ZDHHC14: variants seen among roughly 807,000 people sequenced by gnomAD.
ZDHHC14 encodes palmitoyltransferase ZDHHC14.
In ZDHHC14, 16 loss-of-function variants were observed where a neutral mutation model predicts 47.7. The observed-to-expected ratio is 0.34, with a 90% CI of 0.23 to 0.51. The LOEUF (loss-of-function observed/expected upper bound fraction) is 0.51. Among genes scored for constraint, ZDHHC14 ranks in the 20% least tolerant of loss-of-function variants. The pLI, the probability that ZDHHC14 is intolerant of heterozygous loss-of-function variation, is 0.97. For missense variants in ZDHHC14, 515 were observed against 662.5 expected (o/e 0.78, Z 2.44); for synonymous variants, 293 against 278.9 (o/e 1.05, Z -0.50).
At chr6:157,392,852 CT>C (rs201604926) in intron 1 of ZDHHC14, among the ~76,000 whole-genome samples, 1,769 of 152,152 alleles carry the variant, frequency 0.012, 15 homozygotes, top group Non-Finnish European at 0.016. Context: ...TGCAATGGCA[CT>C]TTTTTTATTT....
chr6:157,491,606 T>C (rs547674523), intron 1 of ZDHHC14, among the ~76,000 whole-genome samples: 1 of 152,376 alleles, frequency 6.6e-6, no homozygotes, highest in African/African-American at 2.4e-5. Flanking sequence ...GAGCTGAATG[T>C]GAATTTCTAC....
At chr6:157,667,624 A>AT (rs1156728763) in intron 8 of ZDHHC14, among the ~76,000 whole-genome samples, 1 of 151,896 alleles carries the variant, frequency 6.6e-6, no homozygotes, top group African/African-American at 2.4e-5. Flanking sequence ...GTTTAAAAAA[A>AT]AAAAAAGGGA....
At chr6:157,558,009 A>G (rs533915048) in intron 2 of ZDHHC14, among the ~76,000 whole-genome samples, 2 of 152,266 alleles carry the variant, frequency 1.3e-5, no homozygotes, top group Non-Finnish European at 2.9e-5. Flanking sequence ...ACTGTATAAT[A>G]GTAAAAAGAA....
rs568400751 is a variant in ZDHHC14 at position 157,503,948 on chromosome 6, T to G, written c.246-38637T>G. On this transcript the variant is annotated intron_variant, in intron 1 of 8. Coordinates refer to ENST00000359775, the MANE Select transcript of ZDHHC14 (RefSeq NM_024630.3). ...TATAAAGCAGAATGCACATCTACCC[T>G]CTGACTCAACAATTCCATTTGTAAG... 6.6e-5 allele frequency among the ~76,000 whole-genome samples: 10 copies of G among 152,322 alleles called. No individual in the cohort carries two copies. The South Asian group carries it at 2.1e-3, about 32-fold the overall frequency.
In ZDHHC14 at chr6:157,574,146, G is replaced by C. The variant is rs540887659; in HGVS notation, c.407-18842G>C. Among the ~76,000 whole-genome samples, 31 of 151,602 alleles carry C rather than the reference G, an allele frequency of 2.0e-4. 1 individual carries two copies. The South Asian group carries it at 6.5e-3, about 32-fold the overall frequency. On this transcript the variant is annotated intron_variant, in intron 2 of 8. Coordinates refer to ENST00000359775, the MANE Select transcript of ZDHHC14 (RefSeq NM_024630.3). ...TTGCCTTTAAACATACGAGATGCCAGGTGTGGTGGCTCATGTCTGTAATCC... is the reference window on the plus strand; with the variant it reads ...TTGCCTTTAAACATACGAGATGCCACGTGTGGTGGCTCATGTCTGTAATCC...
chr6:157,591,820 G>A (rs1301831489), intron 2 of ZDHHC14, among the ~76,000 whole-genome samples: 3 of 152,172 alleles, frequency 2.0e-5, no homozygotes, highest in Admixed American at 6.5e-5. Context: ...GATAGTATGT[G>A]CTTTAAGAGG....
chr6:157,435,746 G>A (rs2114786129), intron 1 of ZDHHC14, among the ~76,000 whole-genome samples: 1 of 152,192 alleles, frequency 6.6e-6, no homozygotes, highest in East Asian at 1.9e-4. Context: ...TGCCATGTTG[G>A]CCAGGCTGGT....
At chr6:157,525,207 C>G (rs1438382244) in intron 1 of ZDHHC14, among the ~76,000 whole-genome samples, 4 of 152,170 alleles carry the variant, frequency 2.6e-5, no homozygotes, top group Non-Finnish European at 5.9e-5. Context: ...GTCACCCAGA[C>G]TAGAGTGCAG....
chr6:157,582,510 G>T lies in ZDHHC14; in HGVS notation c.407-10478G>T, dbSNP rs780030787. ...TATGAAGCTTAGTTTGGCCGGATAT[G>T]AAATTCTTGGTTGGAAATTCTTTTC... On this transcript the variant is annotated intron_variant, in intron 2 of 8. Transcript: ENST00000359775. This position sits in a 1 kb window ranked among gnomAD's most constrained non-coding sequence, Gnocchi z 4.3. 3.3e-5 allele frequency among the ~76,000 whole-genome samples: 5 copies of T among 152,078 alleles called. No individual in the cohort carries two copies. Among genetic ancestry groups the T allele is most frequent in the Admixed American group, 6.5e-5 (1 of 15,298 alleles).
In ZDHHC14 at chr6:157,545,271, T is replaced by C. The variant is rs1421949854; in HGVS notation, c.406+2526T>C. 2.0e-5 allele frequency among the ~76,000 whole-genome samples: 3 copies of C among 152,048 alleles called. No individual in the cohort carries two copies. In the East Asian group the frequency reaches 5.8e-4, roughly 29 times the overall value. On this transcript the variant is annotated intron_variant, in intron 2 of 8. Coordinates refer to ENST00000359775, the MANE Select transcript of ZDHHC14 (RefSeq NM_024630.3). ...ATTATGAACATGGTCTAAAATTAAGTCGTGGTGATGGTTGCACAATGCAAT... is the reference window on the plus strand; with the variant it reads ...ATTATGAACATGGTCTAAAATTAAGCCGTGGTGATGGTTGCACAATGCAAT...
intron 1 of ZDHHC14, among the ~76,000 whole-genome samples, chr6:157,483,291 T>G (rs913883605): frequency 2.6e-5 from 4 of 152,198 alleles, no homozygotes; most frequent in African/African-American, 9.7e-5. Context: ...TTCTCCCTGC[T>G]GACACTCTGT....
Position 157,542,616 on chromosome 6 carries a change from G to A in ZDHHC14, c.277G>A (p.Ala93Thr), listed in dbSNP as rs750497235. The A allele has an allele frequency of 5.0e-6, 8 of 1,614,146 alleles. No homozygotes were observed. Among genetic ancestry groups the A allele is most frequent in the Non-Finnish European group, 4.2e-6 (5 of 1,180,026 alleles). ...CPYLAVKITPAIPAVAGILFF... is the reference protein window; with the variant it reads ...CPYLAVKITPTIPAVAGILFF... ...GTACCTGGCGGTGAAAATCACCCCT[G>A]CCATCCCTGCAGTCGCTGGCATCCT... Residue 93 changes from alanine to threonine, a missense_variant, in exon 2 of 9, where the codon GCC becomes ACC. By Grantham distance (58) the Ala-to-Thr change is moderately conservative. Around this residue, in one of 4 missense-constraint regions of ZDHHC14, gnomAD observed 229 missense variants for 351.5 expected, o/e 0.65. Coordinates refer to ENST00000359775, the MANE Select transcript of ZDHHC14 (RefSeq NM_024630.3).
At chr6:157,597,491 A>T (rs558072130) in intron 3 of ZDHHC14, among the ~76,000 whole-genome samples, 6 of 152,374 alleles carry the variant, frequency 3.9e-5, no homozygotes, top group African/African-American at 1.4e-4. Flanking sequence ...TTTTAATCAC[A>T]TACTGTGGAC....
In ZDHHC14 at chr6:157,592,716, T is replaced by C. The variant is rs1783959941; in HGVS notation, c.407-272T>C. On this transcript the variant is annotated intron_variant, in intron 2 of 8. Transcript: ENST00000359775. ...GGGGGAAGGAGGAAAAGGGCGGGGC[T>C]CCACAGGGAGGGCCTGGCTGGGTGG... 3 of 1,197,972 alleles carry C rather than the reference T, an allele frequency of 2.5e-6. No individual in the cohort carries two copies. The African/African-American group carries it at 4.8e-5, about 19-fold the overall frequency. The allele number at this position is 1,197,972 out of a possible 1,614,324, so 74.2% of individuals were successfully genotyped here.
At chr6:157,602,700 G>T (rs1383626892) in intron 3 of ZDHHC14, among the ~76,000 whole-genome samples, 1 of 152,138 alleles carries the variant, frequency 6.6e-6, no homozygotes, top group African/African-American at 2.4e-5. Flanking sequence ...GTGTGTGAAA[G>T]TGTCAGGAAG....
At chr6:157,624,160 C>T (rs1785308506) in intron 3 of ZDHHC14, among the ~76,000 whole-genome samples, 2 of 152,206 alleles carry the variant, frequency 1.3e-5, no homozygotes, top group Admixed American at 1.3e-4. Context: ...CCCAGCTCAG[C>T]TTGTGCCTAA....
intron 1 of ZDHHC14, among the ~76,000 whole-genome samples, chr6:157,535,964 C>T (rs993024106): frequency 6.6e-6 from 1 of 152,124 alleles, no homozygotes; most frequent in South Asian, 2.1e-4. Flanking sequence ...TGCAGTGACT[C>T]ATTTGAAAAG....
chr6:157,612,002 G>A (rs1366536467), intron 3 of ZDHHC14, among the ~76,000 whole-genome samples: 1 of 151,968 alleles, frequency 6.6e-6, no homozygotes, highest in Non-Finnish European at 1.5e-5. Flanking sequence ...TGTCCACTTG[G>A]GGAGATAAAA....
At chr6:157,489,258 G>C (rs1779854176) in intron 1 of ZDHHC14, among the ~76,000 whole-genome samples, 1 of 152,278 alleles carries the variant, frequency 6.6e-6, no homozygotes, top group Non-Finnish European at 1.5e-5. Flanking sequence ...ATTACTGGAG[G>C]CTTAAATTGT....
Sources: gnomAD v4.1 joint callset for allele counts (sites outside exome capture counted in the v4.1 genomes callset) on GRCh38, gnomAD v4.1.1 for gene constraint, gnomAD v4.1.1 regional missense constraint, Gnocchi (gnomAD v3.1) non-coding constraint, MANE v1.5 for transcripts, NCBI Gene and HGNC (gene_info 2026-07-23, HGNC 2026-07-21) for gene names.